Variants in SLC9A9 observed in about 807,000 individuals in gnomAD.
SLC9A9 encodes the protein solute carrier family 9 member A9.
A neutral mutation model predicts 77.8 loss-of-function variants in SLC9A9; 62 were observed. That is an observed-to-expected ratio of 0.80 (90% CI 0.65 to 0.98). The LOEUF (loss-of-function observed/expected upper bound fraction) is 0.98, where lower values mean the gene tolerates loss of function less well. SLC9A9 is among the 50% of genes least tolerant of loss of function. The pLI is 0.00. For synonymous variants in SLC9A9, 320 were observed against 283.5 expected (o/e 1.13, Z -1.29); for missense variants, 775 against 774.9 (o/e 1.00, Z 0.00).
chr3:143,822,961 C>CAACCAT (rs1408153865), intron 2 of SLC9A9, among the ~76,000 whole-genome samples: 2 of 151,554 alleles, frequency 1.3e-5, no homozygotes, highest in African/African-American at 4.9e-5. Context: ...GAGTAGTAAA[C>CAACCAT]AACCATCACA....
intron 9 of SLC9A9, among the ~76,000 whole-genome samples, chr3:143,521,678 T>C (rs1462849432): frequency 1.3e-5 from 2 of 152,166 alleles, no homozygotes. Context: ...TAGAAAGTTA[T>C]ATATTCTATT....
chr3:143,846,270 A>G (rs567101749), intron 1 of SLC9A9, among the ~76,000 whole-genome samples: 27 of 152,358 alleles, frequency 1.8e-4, no homozygotes, highest in Non-Finnish European at 2.8e-4. Context: ...CCTCTAATAA[A>G]GGTTGGCAAT....
chr3:143,689,116 T>C (rs1324387178), intron 5 of SLC9A9, among the ~76,000 whole-genome samples: 1 of 151,262 alleles, frequency 6.6e-6, no homozygotes, highest in Non-Finnish European at 1.5e-5. Flanking sequence ...TCTACTGCAT[T>C]GACAAGACTG....
At chr3:143,584,385 A>G (rs1305639589) in intron 6 of SLC9A9, among the ~76,000 whole-genome samples, 4 of 152,152 alleles carry the variant, frequency 2.6e-5, no homozygotes, top group African/African-American at 4.8e-5. Context: ...GCCCATGCCA[A>G]TTAGAACAGC....
intron 14 of SLC9A9, among the ~76,000 whole-genome samples, chr3:143,280,155 C>T (rs556954462): frequency 3.9e-4 from 59 of 151,262 alleles, no homozygotes; most frequent in Non-Finnish European, 6.9e-4. Flanking sequence ...TTTCTCCGGT[C>T]CCTGGGTGTT....
At chr3:143,541,006 T>C (rs1175999405) in intron 9 of SLC9A9, among the ~76,000 whole-genome samples, 1 of 152,176 alleles carries the variant, frequency 6.6e-6, no homozygotes, top group African/African-American at 2.4e-5. Context: ...ATCAAACAAT[T>C]TCTTCCAAAA....
At chr3:143,615,349 C>T (rs150125956) in intron 6 of SLC9A9, among the ~76,000 whole-genome samples, 5 of 152,212 alleles carry the variant, frequency 3.3e-5, no homozygotes, top group South Asian at 2.1e-4. Flanking sequence ...GGTAACTGAC[C>T]GAGATTGAAT....
At chr3:143,807,062 A>C (rs1486960637) in intron 2 of SLC9A9, among the ~76,000 whole-genome samples, 1 of 152,196 alleles carries the variant, frequency 6.6e-6, no homozygotes, top group Non-Finnish European at 1.5e-5. Context: ...TGAGATCCAA[A>C]GGCAGAAATG....
At chr3:143,518,990 A>T (rs1257824965) in intron 9 of SLC9A9, among the ~76,000 whole-genome samples, 4 of 152,204 alleles carry the variant, frequency 2.6e-5, no homozygotes, top group African/African-American at 9.7e-5. Flanking sequence ...TCCTTGCCCA[A>T]ACTTGACATT....
chr3:143,572,079 C>T (rs2108656182), intron 8 of SLC9A9, among the ~76,000 whole-genome samples: 1 of 152,270 alleles, frequency 6.6e-6, no homozygotes, highest in African/African-American at 2.4e-5. Context: ...CCCATATTCA[C>T]CCATCCCATG....
intron 9 of SLC9A9, chr3:143,518,270 G>C (rs2036237428): frequency 3.4e-6 from 5 of 1,450,896 alleles, no homozygotes; most frequent in South Asian, 3.4e-5. Flanking sequence ...CTGCAGCCCG[G>C]TTCCAGGCCC....
chr3:143,758,329 G>A (rs574993450), intron 4 of SLC9A9, among the ~76,000 whole-genome samples: 1 of 152,238 alleles, frequency 6.6e-6, no homozygotes, highest in African/African-American at 2.4e-5. Context: ...CTCAGCAATA[G>A]CAATTACTTT....
intron 6 of SLC9A9, among the ~76,000 whole-genome samples, chr3:143,581,852 G>T (rs113642954): frequency 6.6e-6 from 1 of 152,138 alleles, no homozygotes. Context: ...GTCTCTCCTG[G>T]CCCACCAGCA....
chr3:143,300,880 C>G (rs188528383), intron 14 of SLC9A9, among the ~76,000 whole-genome samples: 29 of 152,306 alleles, frequency 1.9e-4, no homozygotes, highest in Admixed American at 1.4e-3. Flanking sequence ...AAATAGGTCC[C>G]CTTTTCCCTA....
chr3:143,754,936 CAT>C lies in SLC9A9; in HGVS notation c.533+40063_533+40064del, dbSNP rs147612637. ...GTAAAAGTCTCCCCCTGTCGCCTAA[CAT>C]AGCATTTATTTCTGTCGTAGAGAAA... On this transcript the variant is annotated intron_variant, in intron 4 of 15. Coordinates refer to ENST00000316549, the MANE Select transcript of SLC9A9 (RefSeq NM_173653.4). Among the ~76,000 whole-genome samples the C allele has an allele frequency of 4.9e-3, 743 of 152,294 alleles. 3 individuals are homozygous for C. The highest frequency in any genetic ancestry group is 0.017 in the African/African-American group (714 of 41,574).
At chr3:143,608,855 T>A (rs910337327) in intron 6 of SLC9A9, among the ~76,000 whole-genome samples, 1 of 152,146 alleles carries the variant, frequency 6.6e-6, no homozygotes, top group Non-Finnish European at 1.5e-5. Flanking sequence ...GTTGCTATAT[T>A]TTATTCTTTT....
At chr3:143,549,948 GT>G (rs1559963473) in intron 9 of SLC9A9, among the ~76,000 whole-genome samples, 2 of 152,274 alleles carry the variant, frequency 1.3e-5, no homozygotes, top group South Asian at 4.1e-4. Flanking sequence ...TATGTTGGAG[GT>G]TTCTGGATAT....
At chr3:143,447,023 C>T (rs1459648478) in intron 12 of SLC9A9, among the ~76,000 whole-genome samples, 1 of 152,160 alleles carries the variant, frequency 6.6e-6, no homozygotes, top group Non-Finnish European at 1.5e-5. Flanking sequence ...CAATATTCTG[C>T]CTTCCTGTTT....
At chr3:143,522,767 T>C (rs563259806) in intron 9 of SLC9A9, among the ~76,000 whole-genome samples, 1 of 152,214 alleles carries the variant, frequency 6.6e-6, no homozygotes, top group East Asian at 1.9e-4. Flanking sequence ...TAAGACAACC[T>C]TGCCACCTCA....
Sources: gnomAD v4.1 joint callset for allele counts (sites outside exome capture counted in the v4.1 genomes callset) on GRCh38, gnomAD v4.1.1 for gene constraint, MANE v1.5 for transcripts, NCBI Gene and HGNC (gene_info 2026-07-23, HGNC 2026-07-21) for gene names.